The following DNAH6 variants were observed in gnomAD, a reference collection of about 807,000 sequenced individuals.
DNAH6 encodes the protein dynein axonemal heavy chain 6, also known as axonemal beta dynein heavy chain 6.
DNAH6 carries 340 observed loss-of-function variants against 491.4 expected under a neutral mutation model. The ratio of observed to expected loss-of-function variants is 0.69; its 90% confidence interval spans 0.63 to 0.76. DNAH6 has a LOEUF of 0.76. Among genes scored for constraint, DNAH6 ranks in the 30% least tolerant of loss-of-function variants. The probability of loss-of-function intolerance (pLI) is 0.00; values close to 1 mark genes in which losing one functional copy is unlikely to be tolerated. For missense variants in DNAH6, 4,443 were observed against 4,972.2 expected (o/e 0.89, Z 3.20); for synonymous variants, 1,603 against 1,686.1 (o/e 0.95, Z 1.21).
intron 46 of DNAH6, among the ~76,000 whole-genome samples, chr2:84,696,832 TC>T (rs1695444699): frequency 6.6e-6 from 1 of 152,118 alleles, no homozygotes; most frequent in East Asian, 1.9e-4. Context: ...TGTAAATTAC[TC>T]ATGCAAATTT....
chr2:84,529,280 C>G (rs1676926101), intron 4 of DNAH6, 114 bp downstream of exon 4: 5 of 868,330 alleles, frequency 5.8e-6, no homozygotes, highest in Non-Finnish European at 8.4e-6. Context: ...TTTTGGTTAT[C>G]ATTCAATGAT....
chr2:84,653,984 G>T (rs1690706589), intron 34 of DNAH6, 110 bp downstream of exon 34: 8 of 886,352 alleles, frequency 9.0e-6, no homozygotes, highest in Admixed American at 2.9e-5. Flanking sequence ...GTCTATTATT[G>T]TGTTCTGTTT....
Position 84,667,579 on chromosome 2 carries a change from A to G in DNAH6, c.6085-1710A>G, listed in dbSNP as rs181175568. 7.3e-4 allele frequency among the ~76,000 whole-genome samples: 111 copies of G among 151,494 alleles called. 1 individual carries two copies. Among genetic ancestry groups the G allele is most frequent in the African/African-American group, 2.5e-3 (102 of 41,476 alleles). On this transcript the variant is annotated intron_variant, in intron 37 of 76. Coordinates refer to ENST00000389394, the MANE Select transcript of DNAH6 (RefSeq NM_001370.2). ...CCATCTCACACCAGTTAGAATGTCA[A>G]TCAGGAAACAGCAGGTGCTGGAAAG... is the stretch of plus-strand genomic sequence containing the variant.
chr2:84,721,898 T>C (rs1698199243), intron 59 of DNAH6, among the ~76,000 whole-genome samples: 1 of 152,024 alleles, frequency 6.6e-6, no homozygotes, highest in Non-Finnish European at 1.5e-5. Context: ...TATCCACCTC[T>C]GAAAAACAGT....
rs1480261619 is a variant in DNAH6 at position 84,701,106 on chromosome 2, G to C, written c.7828G>C (p.Glu2610Gln). ...TIDWFVQWPR[E>Q]ALLSVSKTFF... ...TTTCCTTGATTCACAGTGGCCCAGA[G>C]AAGCACTTCTTTCTGTGTCAAAGAC... Residue 2610 changes from glutamate (E) to glutamine (Q), a missense_variant, in exon 49 of 77, where the codon GAA (glutamate) becomes CAA (glutamine). By Grantham distance (29) the Glu-to-Gln change is conservative. Transcript: ENST00000389394. 1.9e-6 allele frequency: 3 copies of C among 1,550,480 alleles called. No homozygotes were observed. In the African/African-American group the frequency reaches 4.1e-5, roughly 21 times the overall value.
chr2:84,561,003 T>A (rs1007585545), intron 11 of DNAH6, among the ~76,000 whole-genome samples: 5 of 151,612 alleles, frequency 3.3e-5, no homozygotes, highest in African/African-American at 1.2e-4. Context: ...TCAAATGGTA[T>A]TTCTAGTTCT....
At position 84,762,782 on chromosome 2, in the gene DNAH6, A is replaced by T; in HGVS notation, c.10540A>T (p.Ile3514Leu). 1 of 1,550,540 alleles carries T rather than the reference A, an allele frequency of 6.4e-7. No homozygotes were observed. The highest frequency in any genetic ancestry group is 2.0e-5 in the Admixed American group (1 of 50,760). The change falls in exon 64 of 77, where the codon ATA becomes TTA. Residue 3514 changes from isoleucine to leucine, a missense_variant. By Grantham distance (5) the Ile-to-Leu change is conservative. This residue lies in a region of DNAH6 where 1,463 missense variants were observed against 1,656.6 expected (regional missense o/e 0.88). Coordinates refer to ENST00000389394, the MANE Select transcript of DNAH6 (RefSeq NM_001370.2). ...GGTTTTTGCTCTTACAGACTTTGTG[A>T]TAGAAAATCTTGGAAAACAGTTTAT... ...KVVFALTDFV[I>L]ENLGKQFIET...
At chr2:84,559,723 A>G (rs2104610942) in intron 11 of DNAH6, among the ~76,000 whole-genome samples, 1 of 152,330 alleles carries the variant, frequency 6.6e-6, no homozygotes, top group Non-Finnish European at 1.5e-5. Flanking sequence ...ATGCAAGTCT[A>G]CTAACAGCCA....
In DNAH6 at chr2:84,688,511, G is replaced by C; in HGVS notation, c.7210G>C (p.Asp2404His). ...AGAGAAAACTGCAAATGTTCTACAG[G>C]ACTATCTTGATGATTATAATCTCAC... Reference protein sequence around the residue: ...DIEKTANVLQDYLDDYNLTNP... With the variant: ...DIEKTANVLQHYLDDYNLTNP... Residue 2404 changes from aspartate to histidine, a missense_variant, in exon 45 of 77, where the codon GAC becomes CAC. Physicochemically the swap from Asp to His is moderately conservative, Grantham distance 81. Transcript: ENST00000389394. 4 of 1,544,360 alleles carry C rather than the reference G, an allele frequency of 2.6e-6. No homozygotes were observed. Among genetic ancestry groups the C allele is most frequent in the Non-Finnish European group, 3.5e-6 (4 of 1,145,470 alleles).
chr2:84,753,734 G>A (rs1673694264), intron 63 of DNAH6, among the ~76,000 whole-genome samples: 1 of 135,330 alleles, frequency 7.4e-6, no homozygotes, highest in South Asian at 2.4e-4. Flanking sequence ...TCCAGCCTGG[G>A]CAACAGGAGT....
chr2:84,602,745 G>A (rs1380903), intron 18 of DNAH6, among the ~76,000 whole-genome samples: 137,654 of 147,448 alleles, frequency 0.93, 64,282 homozygotes, highest in East Asian at 0.99. Flanking sequence ...TATGATTTCT[G>A]TGATATGTAC....
At chr2:84,803,976 C>A (rs1573860847) in intron 70 of DNAH6, among the ~76,000 whole-genome samples, 1 of 152,196 alleles carries the variant, frequency 6.6e-6, no homozygotes, top group East Asian at 1.9e-4. Context: ...AGAGGCCAAG[C>A]CACGTGAGTC....
At chr2:84,535,651 G>T (rs1677611915) in intron 4 of DNAH6, among the ~76,000 whole-genome samples, 1 of 148,814 alleles carries the variant, frequency 6.7e-6, no homozygotes, top group Non-Finnish European at 1.5e-5. Flanking sequence ...AGCTTGTGTG[G>T]AAGTTTTTTA....
chr2:84,606,919 A>G, intron 20 of DNAH6, 57 bp from the exon 21 acceptor site: 9 of 1,518,544 alleles, frequency 5.9e-6, no homozygotes, highest in Non-Finnish European at 8.0e-6. Context: ...TATCTGAAAT[A>G]TTACTGAAAG....
chr2:84,510,574 C>T, the DNAH6 span, among the ~76,000 whole-genome samples: 1 of 151,260 alleles, frequency 6.6e-6, no homozygotes, highest in Non-Finnish European at 1.5e-5. Context: ...TCTCTCAACT[C>T]GTCAAAGTCA....
intron 14 of DNAH6, 103 bp downstream of exon 14, chr2:84,579,782 C>G: frequency 1.0e-6 from 1 of 973,372 alleles, no homozygotes. Context: ...AGACAGCTGT[C>G]AAATATCAGA....
chr2:84,505,146 T>C, the DNAH6 span, among the ~76,000 whole-genome samples: 1 of 152,356 alleles, frequency 6.6e-6, no homozygotes, highest in Admixed American at 6.5e-5. Context: ...TTTTTCATTT[T>C]TTGATTGTCC....
At chr2:84,654,328 T>C (rs1414109590) in intron 34 of DNAH6, among the ~76,000 whole-genome samples, 1 of 152,154 alleles carries the variant, frequency 6.6e-6, no homozygotes, top group Non-Finnish European at 1.5e-5. Flanking sequence ...CAAATACTGA[T>C]TGAATGTCTA....
intron 12 of DNAH6, among the ~76,000 whole-genome samples, chr2:84,576,364 C>T (rs1682449056): frequency 6.6e-6 from 1 of 151,976 alleles, no homozygotes; most frequent in Non-Finnish European, 1.5e-5. Flanking sequence ...GTTCTTTATA[C>T]TATATCAAAC....
Sources: gnomAD v4.1 joint callset for allele counts (sites outside exome capture counted in the v4.1 genomes callset) on GRCh38, gnomAD v4.1.1 for gene constraint, gnomAD v4.1.1 regional missense constraint, MANE v1.5 for transcripts, NCBI Gene and HGNC (gene_info 2026-07-23, HGNC 2026-07-21) for gene names.